Variants in SLCO1C1 observed in about 807,000 individuals in gnomAD.
SLCO1C1 encodes OAT-RP-5.
A neutral mutation model predicts 76.4 loss-of-function variants in SLCO1C1; 70 were observed. The ratio of observed to expected loss-of-function variants is 0.92; its 90% CI spans 0.76 to 1.12. The LOEUF is 1.12. Ranked by LOEUF, SLCO1C1 falls within the 50% of genes most tolerant of loss-of-function variation. SLCO1C1 has a pLI of 0.00. For missense variants in SLCO1C1, 912 were observed against 823.8 expected (o/e 1.11, Z -1.31); for synonymous variants, 306 against 286.1 (o/e 1.07, Z -0.70).
chr12:20,724,312 A>T (rs1223391325), intron 9 of SLCO1C1, among the ~76,000 whole-genome samples: 2 of 150,406 alleles, frequency 1.3e-5, no homozygotes, highest in Non-Finnish European at 3.0e-5. Flanking sequence ...TTTCACTTTT[A>T]TGTCTACATT....
chr12:20,747,549 T>A (rs1949104496), intron 13 of SLCO1C1, among the ~76,000 whole-genome samples: 1 of 152,176 alleles, frequency 6.6e-6, no homozygotes. Context: ...CTTTTGTGAA[T>A]TTTTGAAAAT....
intron 6 of SLCO1C1, 150 bp from the exon 7 acceptor site, chr12:20,716,982 T>C: frequency 1.6e-6 from 1 of 614,658 alleles, no homozygotes; most frequent in South Asian, 2.2e-5. Context: ...CCTGATTTGA[T>C]GTGGTTTTAA....
At chr12:20,738,392 A>G (rs573535106) in intron 11 of SLCO1C1, among the ~76,000 whole-genome samples, 14 of 152,272 alleles carry the variant, frequency 9.2e-5, no homozygotes, top group Non-Finnish European at 1.6e-4. Flanking sequence ...CCTAGAGGGC[A>G]GAAAATTAGA....
intron 10 of SLCO1C1, among the ~76,000 whole-genome samples, chr12:20,733,708 C>G (rs1438329124): frequency 6.6e-6 from 1 of 152,158 alleles, no homozygotes; most frequent in Non-Finnish European, 1.5e-5. Flanking sequence ...ACCCAGTGTT[C>G]CCCATAAAAG....
intron 9 of SLCO1C1, among the ~76,000 whole-genome samples, chr12:20,731,030 C>A (rs1228265489): frequency 2.0e-5 from 3 of 152,092 alleles, no homozygotes; most frequent in Admixed American, 1.3e-4. Flanking sequence ...CCTGGTTGCC[C>A]CCACCCCGGA....
At chr12:20,713,489 A>G (rs1397155141) in intron 5 of SLCO1C1, among the ~76,000 whole-genome samples, 1 of 152,252 alleles carries the variant, frequency 6.6e-6, no homozygotes, top group Non-Finnish European at 1.5e-5. Flanking sequence ...TGTGTTTAAT[A>G]AAGGGAGAAG....
At chr12:20,724,430 T>A (rs1316944312) in intron 9 of SLCO1C1, among the ~76,000 whole-genome samples, 1 of 123,528 alleles carries the variant, frequency 8.1e-6, no homozygotes, top group Non-Finnish European at 1.7e-5. Flanking sequence ...TATATATATA[T>A]ATATATATAT....
At chr12:20,710,282 A>G (rs556206980) in intron 4 of SLCO1C1, among the ~76,000 whole-genome samples, 59 of 132,536 alleles carry the variant, frequency 4.5e-4, no homozygotes, top group African/African-American at 1.7e-3. Context: ...ATCTTGGCTC[A>G]CTGCAAGCTC....
Position 20,747,208 on chromosome 12 carries a change from T to C in SLCO1C1, c.1799-3467T>C, listed in dbSNP as rs148885807. Among the ~76,000 whole-genome samples the C allele has an allele frequency of 1.6e-4, 24 of 152,248 alleles. 1 individual carries two copies. The highest frequency in any genetic ancestry group is 5.5e-4 in the African/African-American group (23 of 41,580). Reference sequence around the variant, plus strand: ...GGGAGGCTGAGGCGGGTGGATATCTTGAGGCCAGGAGTTCGAGACCAGCCT... The same window carrying C: ...GGGAGGCTGAGGCGGGTGGATATCTCGAGGCCAGGAGTTCGAGACCAGCCT... On this transcript the variant is annotated intron_variant, in intron 13 of 14. Transcript: ENST00000266509.
At chr12:20,696,354 C>T (rs1486645093) in intron 1 of SLCO1C1, among the ~76,000 whole-genome samples, 4 of 152,042 alleles carry the variant, frequency 2.6e-5, no homozygotes, top group African/African-American at 7.2e-5. Flanking sequence ...GAGGGAGGAG[C>T]GTGGTTGCCT....
intron 6 of SLCO1C1, 103 bp from the exon 7 acceptor site, chr12:20,717,029 T>G: frequency 3.1e-6 from 3 of 981,268 alleles, no homozygotes; most frequent in Non-Finnish European, 4.6e-6. Flanking sequence ...TAAAACATTT[T>G]GAGCTACTGA....
intron 4 of SLCO1C1, among the ~76,000 whole-genome samples, 163 bp from the exon 5 acceptor site, chr12:20,711,223 C>G (rs960841688): frequency 2.0e-5 from 3 of 152,208 alleles, no homozygotes; most frequent in Non-Finnish European, 2.9e-5. Context: ...CTGGCTACCT[C>G]TTCAGCAAAA....
intron 9 of SLCO1C1, among the ~76,000 whole-genome samples, chr12:20,725,030 TTAA>T (rs1947896335): frequency 7.1e-6 from 1 of 140,592 alleles, no homozygotes; most frequent in African/African-American, 2.6e-5. Flanking sequence ...CTAACATATA[TTAA>T]TATGTATATA....
intron 7 of SLCO1C1, among the ~76,000 whole-genome samples, chr12:20,720,318 T>C (rs1653682585): frequency 6.6e-6 from 1 of 152,182 alleles, no homozygotes; most frequent in South Asian, 2.1e-4. Flanking sequence ...TAACATACCG[T>C]CCATTTTATA....
chr12:20,711,539 C>G, intron 5 of SLCO1C1, 29 bp downstream of exon 5: 1 of 1,604,162 alleles, frequency 6.2e-7, no homozygotes, highest in Non-Finnish European at 8.5e-7. Context: ...CTTGACTAAA[C>G]AAGCTTTTAA....
At chr12:20,745,854 G>C (rs1330750647) in intron 13 of SLCO1C1, among the ~76,000 whole-genome samples, 1 of 151,444 alleles carries the variant, frequency 6.6e-6, no homozygotes, top group Non-Finnish European at 1.5e-5. Context: ...AAGAAATAAA[G>C]CTCATTCTTA....
chr12:20,733,768 GC>G (rs1261032871), intron 10 of SLCO1C1, among the ~76,000 whole-genome samples: 2 of 152,090 alleles, frequency 1.3e-5, no homozygotes, highest in African/African-American at 4.8e-5. Flanking sequence ...ATTTAGTGAT[GC>G]CTTCAGGCCT....
At chr12:20,734,942 A>G (rs1487594518) in intron 10 of SLCO1C1, among the ~76,000 whole-genome samples, 2 of 152,178 alleles carry the variant, frequency 1.3e-5, no homozygotes, top group Non-Finnish European at 1.5e-5. Flanking sequence ...AAAAGCTCTC[A>G]TCTTTCAGCA....
intron 6 of SLCO1C1, 114 bp downstream of exon 6, chr12:20,715,399 C>A (rs1947317094): frequency 8.4e-7 from 1 of 1,183,926 alleles, no homozygotes; most frequent in African/African-American, 1.5e-5. Flanking sequence ...ATATCCAACT[C>A]CTTTATTTAG....
Sources: gnomAD v4.1 joint callset for allele counts (sites outside exome capture counted in the v4.1 genomes callset) on GRCh38, gnomAD v4.1.1 for gene constraint, MANE v1.5 for transcripts, NCBI Gene and HGNC (gene_info 2026-07-23, HGNC 2026-07-21) for gene names.